The following DIAPH2 variants were observed in gnomAD, a reference collection of about 807,000 sequenced individuals.
DIAPH2 encodes the protein protein diaphanous homolog 2.
A neutral mutation model predicts 92.7 loss-of-function variants in DIAPH2; 35 were observed. That is an observed-to-expected ratio of 0.38 (90% CI 0.29 to 0.50). The LOEUF is 0.50. Among genes scored for constraint, DIAPH2 ranks in the 20% least tolerant of loss-of-function variants. The pLI is 0.94. For missense variants in DIAPH2, 701 were observed against 819.5 expected, an observed-to-expected ratio of 0.86 and a Z score of 1.77; for synonymous variants, 301 against 280.4, an observed-to-expected ratio of 1.07 and a Z score of -0.73.
At chrX:97,444,883 A>G (rs911140094) in intron 26 of DIAPH2, among the ~76,000 whole-genome samples, 3 of 111,962 alleles carry the variant, frequency 2.7e-5, no homozygotes, top group Non-Finnish European at 5.6e-5. Context: ...AGAACATTAT[A>G]ATAAGCTCAG....
In DIAPH2 at chrX:97,603,584, G is replaced by A. The variant is rs1375365275; in HGVS notation, c.*4267G>A. The A allele has an allele frequency of 8.9e-6, 1 of 111,934 alleles. No individual in the cohort carries two copies. The highest frequency in any genetic ancestry group is 1.9e-5 in the Non-Finnish European group (1 of 53,213). 9.2% of individuals were successfully genotyped at this position (111,934 alleles called of 1,213,427 possible). On this transcript the variant is annotated 3_prime_UTR_variant, in exon 27 of 27. Transcript: ENST00000324765. The stretch of plus-strand genomic sequence containing the variant: ...TGTTTTGTCAATGTATCTGTTTTCT[G>A]TCTTATTTTACTATAAGCACTAAGA...
intron 22 of DIAPH2, among the ~76,000 whole-genome samples, chrX:97,161,043 G>GTTTTTTTT (rs1376550732): frequency 1.2e-5 from 1 of 83,224 alleles, no homozygotes; most frequent in Non-Finnish European, 2.4e-5. Flanking sequence ...TTTGTTTTTT[G>GTTTTTTTT]TTTTTTTGTT....
intron 17 of DIAPH2, among the ~76,000 whole-genome samples, chrX:96,995,454 C>T (rs1246237769): frequency 1.8e-5 from 2 of 112,138 alleles, no homozygotes; most frequent in African/African-American, 6.5e-5. Context: ...TGATCTGGAA[C>T]TCACAGACCA....
rs143374272 is a variant in DIAPH2 at position 97,163,517 on chromosome X, A to G, written c.2719+21723A>G. ...AGTTTTCAATACATGGTCTCCACACAGGTTGGTAAGGCATTGAAGTTTCAC... is the reference window on the plus strand; with the variant it reads ...AGTTTTCAATACATGGTCTCCACACGGGTTGGTAAGGCATTGAAGTTTCAC... On this transcript the variant is annotated intron_variant, in intron 22 of 26. Transcript: ENST00000324765. Among the ~76,000 whole-genome samples the G allele has an allele frequency of 3.0e-3, 336 of 112,072 alleles. 1 individual carries two copies. Among genetic ancestry groups the G allele is most frequent in the African/African-American group, 0.01 (318 of 30,840 alleles).
intron 4 of DIAPH2, among the ~76,000 whole-genome samples, chrX:96,811,755 C>A (rs762037196): frequency 9.0e-6 from 1 of 111,538 alleles, no homozygotes; most frequent in Admixed American, 9.5e-5. Flanking sequence ...TGTCAAAGGT[C>A]TTTTCTGCAT....
chrX:96,750,034 C>T (rs59481746), intron 3 of DIAPH2, among the ~76,000 whole-genome samples: 3,173 of 105,305 alleles, frequency 0.03, 139 homozygotes, highest in African/African-American at 0.1. Flanking sequence ...AAATGCCTAA[C>T]TCATGCTATA....
At chrX:97,362,755 A>T (rs1043816883) in intron 24 of DIAPH2, among the ~76,000 whole-genome samples, 5 of 112,593 alleles carry the variant, frequency 4.4e-5, no homozygotes, top group African/African-American at 1.6e-4. Context: ...CTATAAACAT[A>T]ATTATTGGGA....
intron 23 of DIAPH2, among the ~76,000 whole-genome samples, chrX:97,335,584 G>A (rs1253912993): frequency 2.7e-5 from 3 of 111,822 alleles, no homozygotes; most frequent in African/African-American, 3.2e-5. Flanking sequence ...AATCTTAATA[G>A]TTATGTATTG....
intron 23 of DIAPH2, among the ~76,000 whole-genome samples, chrX:97,304,176 G>C (rs1350964204): frequency 8.9e-6 from 1 of 112,128 alleles, no homozygotes; most frequent in Non-Finnish European, 1.9e-5. Flanking sequence ...TTATGAAGCT[G>C]TGCATAAGTG....
intron 26 of DIAPH2, among the ~76,000 whole-genome samples, chrX:97,501,556 G>C (rs1210064396): frequency 9.0e-6 from 1 of 111,127 alleles, no homozygotes; most frequent in African/African-American, 3.3e-5. Flanking sequence ...ATGGCCTTTT[G>C]TTTTTTTCTT....
In DIAPH2 at chrX:96,881,631, T is replaced by C. The variant is rs755696712; in HGVS notation, c.500T>C (p.Val167Ala). 8.3e-7 allele frequency: 1 copy of C among 1,208,640 alleles called. No individual in the cohort carries two copies. The change falls in exon 5 of 27, where the codon GTT becomes GCT. Residue 167 changes from valine to alanine, a missense_variant. Coordinates refer to ENST00000324765, the MANE Select transcript of DIAPH2 (RefSeq NM_006729.5). ...TGCACCCTGTCTTCACAAGAATATGTTCATGAATTACGATCGGGTATATCA... is the reference window on the plus strand; with the variant it reads ...TGCACCCTGTCTTCACAAGAATATGCTCATGAATTACGATCGGGTATATCA... Reference protein sequence around the residue: ...HECTLSSQEYVHELRSGISDE... With the variant: ...HECTLSSQEYAHELRSGISDE...
intron 17 of DIAPH2, among the ~76,000 whole-genome samples, chrX:97,059,741 C>G (rs953153942): frequency 9.9e-5 from 11 of 111,508 alleles, no homozygotes; most frequent in African/African-American, 3.6e-4. Flanking sequence ...AAGTGGATCA[C>G]CATAAAAGTC....
At chrX:97,494,474 A>G (rs2070745243) in intron 26 of DIAPH2, among the ~76,000 whole-genome samples, 1 of 112,055 alleles carries the variant, frequency 8.9e-6, no homozygotes, top group Non-Finnish European at 1.9e-5. Context: ...TAGCCTATTC[A>G]TAGATCTCCA....
chrX:96,757,820 G>C (rs1267246417), intron 3 of DIAPH2, among the ~76,000 whole-genome samples: 1 of 111,788 alleles, frequency 8.9e-6, no homozygotes, highest in African/African-American at 3.2e-5. Context: ...TTGCTATCAA[G>C]ATAAATAAAG....
chrX:97,434,812 G>A (rs1255164925), intron 26 of DIAPH2, among the ~76,000 whole-genome samples: 2 of 111,944 alleles, frequency 1.8e-5, no homozygotes, highest in East Asian at 5.6e-4. Flanking sequence ...GCAGAACACT[G>A]AGGTCAAGAT....
At chrX:96,724,419 C>G (rs1226882601) in intron 1 of DIAPH2, among the ~76,000 whole-genome samples, 2 of 111,936 alleles carry the variant, frequency 1.8e-5, no homozygotes, top group Non-Finnish European at 3.8e-5. Context: ...TAAGTTTAGA[C>G]CATCTCAAAT....
chrX:97,134,309 A>G (rs2067156980), intron 21 of DIAPH2, among the ~76,000 whole-genome samples: 2 of 111,812 alleles, frequency 1.8e-5, no homozygotes, highest in African/African-American at 6.5e-5. Flanking sequence ...AGATGCCACA[A>G]ATTGCTAGAT....
At chrX:97,178,555 C>A (rs1373408436) in intron 22 of DIAPH2, among the ~76,000 whole-genome samples, 1 of 102,141 alleles carries the variant, frequency 9.8e-6, no homozygotes. Flanking sequence ...CGAGTTCAAG[C>A]AATTCTCCTG....
chrX:97,348,387 CA>C (rs112948938), intron 24 of DIAPH2, 107 bp downstream of exon 24: 27,965 of 709,355 alleles, frequency 0.039, 707 homozygotes, highest in African/African-American at 0.14. Flanking sequence ...TTTCATGTGA[CA>C]TTTTTTTAAT....
Sources: allele counts gnomAD v4.1 joint callset (sites outside exome capture counted in the v4.1 genomes callset), GRCh38; gene constraint gnomAD v4.1.1; transcripts MANE v1.5; gene names NCBI Gene and HGNC (gene_info 2026-07-23, HGNC 2026-07-21).